The following ZNF407 variants were observed in gnomAD, a reference collection of about 807,000 sequenced individuals.
ZNF407 encodes zinc finger protein 407.
ZNF407 carries 17 observed loss-of-function variants against 131.2 expected under a neutral mutation model. The observed-to-expected ratio is 0.13, with a 90% CI of 0.09 to 0.19. The LOEUF is 0.19. Ranked by LOEUF, ZNF407 falls within the 10% of genes least tolerant of loss-of-function variation. The pLI is 1.00. For missense variants in ZNF407, 2,681 were observed against 2,830.6 expected (o/e 0.95, Z 1.20); for synonymous variants, 1,156 against 1,062.0 (o/e 1.09, Z -1.72).
At position 75,064,422 on chromosome 18, in the gene ZNF407, C is replaced by A. The variant is rs867384822; in HGVS notation, c.6701C>A (p.Ala2234Glu). The A allele has an allele frequency of 6.6e-7, 1 of 1,520,292 alleles. No individual in the cohort carries two copies. Among genetic ancestry groups the A allele is most frequent in the Non-Finnish European group, 8.8e-7 (1 of 1,134,822 alleles). The allele number at this position is 1,520,292 out of a possible 1,614,324, so 94.2% of individuals were successfully genotyped here. A position where few individuals can be genotyped will look rare whatever the true frequency, so the allele number is the denominator to read the frequency against. The change falls in exon 9 of 9, where the codon GCG (alanine) becomes GAG (glutamate). Residue 2234 changes from alanine (A) to glutamate (E), a missense_variant. Ala to Glu is a moderately radical substitution (Grantham distance 107, BLOSUM62 -1). This residue lies in a region of ZNF407 where 620 missense variants were observed against 583.1 expected (regional missense o/e 1.06). Coordinates refer to ENST00000299687, the MANE Select transcript of ZNF407 (RefSeq NM_017757.3). ...IYTQEGSSAA[A>E]AIQSQRESSE... is the part of the protein sequence containing the mutation. ...ACCCAGGAGGGCTCCTCGGCCGCGG[C>A]GGCAATTCAGAGCCAAAGAGAAAGC... is the stretch of plus-strand genomic sequence containing the variant.
intron 8 of ZNF407, among the ~76,000 whole-genome samples, chr18:74,969,836 A>T (rs751668571): frequency 6.6e-5 from 10 of 152,196 alleles, no homozygotes; most frequent in Non-Finnish European, 1.3e-4. Flanking sequence ...ACTTGTTTGC[A>T]TGAGAAACCA....
At chr18:74,838,272 C>T (rs1386777479) in intron 4 of ZNF407, among the ~76,000 whole-genome samples, 1 of 152,126 alleles carries the variant, frequency 6.6e-6, no homozygotes, top group Admixed American at 6.5e-5. Flanking sequence ...ATGCATCTTC[C>T]AATATGAAGC....
At chr18:75,034,535 C>T (rs1046449315) in intron 8 of ZNF407, among the ~76,000 whole-genome samples, 2 of 151,458 alleles carry the variant, frequency 1.3e-5, no homozygotes. Context: ...ATCTCCTGAC[C>T]TCGTGATCCG....
At chr18:74,926,781 G>A (rs973686184) in intron 8 of ZNF407, among the ~76,000 whole-genome samples, 2 of 152,292 alleles carry the variant, frequency 1.3e-5, no homozygotes, top group Admixed American at 6.5e-5. Context: ...CTGCCTGGGC[G>A]ACAAGAGTGA....
chr18:74,781,358 G>T (rs7228438), intron 3 of ZNF407, 70 bp from the exon 4 acceptor site: 775,039 of 1,085,376 alleles, frequency 0.71, 281,678 homozygotes, highest in East Asian at 0.97. Context: ...TTATTCTTAA[G>T]TTCTCTTTGT....
At chr18:75,045,952 T>C (rs1275793997) in intron 8 of ZNF407, among the ~76,000 whole-genome samples, 4 of 152,170 alleles carry the variant, frequency 2.6e-5, no homozygotes, top group African/African-American at 4.8e-5. Flanking sequence ...CGTGAATAGG[T>C]ATTTCCCATC....
intron 7 of ZNF407, chr18:74,905,241 A>G (rs2145213743): frequency 6.6e-6 from 1 of 152,376 alleles, no homozygotes; most frequent in African/African-American, 2.4e-5. Context: ...TGTAACCTAT[A>G]TACTTTCCAT....
chr18:74,781,584 C>CT (rs532051847), intron 4 of ZNF407, 82 bp downstream of exon 4: 72 of 1,052,744 alleles, frequency 6.8e-5, no homozygotes, highest in Middle Eastern at 3.0e-4. Flanking sequence ...GACTTCTAGA[C>CT]TTTTTTTTCA....
intron 7 of ZNF407, 114 bp from the exon 8 acceptor site, chr18:74,920,400 A>G: frequency 1.2e-6 from 1 of 821,634 alleles, no homozygotes; most frequent in Admixed American, 3.3e-5. Flanking sequence ...ATATGAGTAC[A>G]GCACTTAAAA....
chr18:74,894,522 T>G (rs1201572228), intron 7 of ZNF407, among the ~76,000 whole-genome samples: 1 of 152,152 alleles, frequency 6.6e-6, no homozygotes, highest in Non-Finnish European at 1.5e-5. Context: ...TTTTTAATAT[T>G]GAACTACATT....
chr18:74,840,518 A>G (rs1488883039), intron 4 of ZNF407, among the ~76,000 whole-genome samples: 1 of 151,626 alleles, frequency 6.6e-6, no homozygotes, highest in African/African-American at 2.4e-5. Context: ...ACCCCAATCC[A>G]CAAGTGCTTG....
chr18:74,741,521 T>C (rs920358743), intron 3 of ZNF407, among the ~76,000 whole-genome samples: 1 of 152,170 alleles, frequency 6.6e-6, no homozygotes, highest in Non-Finnish European at 1.5e-5. Context: ...ATAAGCTCTC[T>C]GAATAAAATT....
chr18:74,776,837 G>GA (rs1969482959), intron 3 of ZNF407, among the ~76,000 whole-genome samples: 1 of 152,200 alleles, frequency 6.6e-6, no homozygotes, highest in African/African-American at 2.4e-5. Context: ...ATAAGTTAGA[G>GA]AAAACGTTAT....
At chr18:74,885,086 T>C (rs1971289439) in intron 6 of ZNF407, among the ~76,000 whole-genome samples, 1 of 152,178 alleles carries the variant, frequency 6.6e-6, no homozygotes, top group Non-Finnish European at 1.5e-5. Context: ...ATCTTTAAAT[T>C]GCTTGACCAC....
At chr18:74,849,052 C>CTTTTTGTTTTT (rs1970741375) in intron 4 of ZNF407, among the ~76,000 whole-genome samples, 1 of 122,944 alleles carries the variant, frequency 8.1e-6, no homozygotes, top group Non-Finnish European at 1.7e-5. Flanking sequence ...ACTTTTGTTT[C>CTTTTTGTTTTT]TTTTTTTTTT....
At chr18:75,034,300 G>GTTTTT (rs71170337) in intron 8 of ZNF407, among the ~76,000 whole-genome samples, 6 of 115,214 alleles carry the variant, frequency 5.2e-5, no homozygotes, top group Non-Finnish European at 8.9e-5. Flanking sequence ...TCTGTGTTGG[G>GTTTTT]TTTTTTTTTT....
At chr18:74,928,127 A>C (rs941129743) in intron 8 of ZNF407, among the ~76,000 whole-genome samples, 9 of 152,138 alleles carry the variant, frequency 5.9e-5, no homozygotes, top group African/African-American at 2.2e-4. Flanking sequence ...TGGTTTATAT[A>C]TTTTAGGGAG....
chr18:75,037,432 A>G (rs531649966), intron 8 of ZNF407, among the ~76,000 whole-genome samples: 29 of 151,972 alleles, frequency 1.9e-4, no homozygotes, highest in Non-Finnish European at 3.5e-4. Context: ...ATGAAGAAAA[A>G]AACTTTGTAA....
chr18:74,685,614 G>A (rs1018568877), intron 3 of ZNF407, among the ~76,000 whole-genome samples: 5 of 152,110 alleles, frequency 3.3e-5, no homozygotes, highest in African/African-American at 9.7e-5. Context: ...CTGTTCTCCC[G>A]GGACACCCCA....
Sources: gnomAD v4.1 joint callset for allele counts (sites outside exome capture counted in the v4.1 genomes callset) on GRCh38, gnomAD v4.1.1 for gene constraint, gnomAD v4.1.1 regional missense constraint, MANE v1.5 for transcripts, NCBI Gene and HGNC (gene_info 2026-07-23, HGNC 2026-07-21) for gene names.